The following ANO3 variants were observed in gnomAD, a reference collection of about 807,000 sequenced individuals.
ANO3 encodes the protein anoctamin-3.
In ANO3, 99 loss-of-function variants were observed where a neutral mutation model predicts 144.8. The ratio of observed to expected loss-of-function variants is 0.68; its 90% CI spans 0.58 to 0.81. The LOEUF is 0.81. Among genes scored for constraint, ANO3 ranks in the 30% least tolerant of loss-of-function variants. The pLI is 0.00. For synonymous variants in ANO3, 414 were observed against 392.6 expected (o/e 1.05, Z -0.64); for missense variants, 905 against 1,202.2 (o/e 0.75, Z 3.66).
chr11:26,526,356 A>G (rs1849163373), intron 7 of ANO3, among the ~76,000 whole-genome samples: 1 of 152,106 alleles, frequency 6.6e-6, no homozygotes, highest in Non-Finnish European at 1.5e-5. Context: ...ATCAGCTCCC[A>G]TTTAATGAAT....
chr11:26,548,046 A>G (rs1486928973), intron 12 of ANO3, among the ~76,000 whole-genome samples: 1 of 151,982 alleles, frequency 6.6e-6, no homozygotes, highest in Admixed American at 6.6e-5. Flanking sequence ...AAATAAAACA[A>G]TTATACCACA....
intron 2 of ANO3, among the ~76,000 whole-genome samples, 199 bp from the exon 3 acceptor site, chr11:26,443,566 C>T (rs538196367): frequency 1.5e-4 from 23 of 152,306 alleles, no homozygotes; most frequent in Admixed American, 8.5e-4. Flanking sequence ...CATGCCATTG[C>T]ACTCCAGCCT....
At chr11:26,657,515 G>A (rs941426037) in intron 26 of ANO3, among the ~76,000 whole-genome samples, 1 of 152,052 alleles carries the variant, frequency 6.6e-6, no homozygotes, top group Non-Finnish European at 1.5e-5. Flanking sequence ...AGAGTGCATG[G>A]ATTCAAAGCA....
At chr11:26,435,789 A>G (rs141149558) in intron 1 of ANO3, among the ~76,000 whole-genome samples, 256 of 152,246 alleles carry the variant, frequency 1.7e-3, no homozygotes, top group Non-Finnish European at 3.1e-3. Context: ...TAACTTCTGT[A>G]TCATTTTATT....
intron 1 of ANO3, among the ~76,000 whole-genome samples, chr11:26,200,126 A>C (rs922766673): frequency 6.6e-6 from 1 of 152,192 alleles, no homozygotes; most frequent in Admixed American, 6.6e-5. Flanking sequence ...CTGAAAATGA[A>C]GAAAACCCAA....
chr11:26,660,301 A>G lies in ANO3; in HGVS notation c.2803A>G (p.Ile935Val). ...FGIKSFIAYL[I>V]PDVPKGLHDR... ...GATTAAGTCATTCATCGCATACCTG[A>G]TTCCAGACGTACCAAAGGGTCTACA... Residue 935 changes from isoleucine (I) to valine (V), a missense_variant, in exon 27 of 27, where the codon ATT becomes GTT. Physicochemically the swap from Ile to Val is conservative, Grantham distance 29. This residue lies in a region of ANO3 where 597 missense variants were observed against 865.1 expected (regional missense o/e 0.69). Transcript: ENST00000256737. 1 of 1,613,362 alleles carries G rather than the reference A, an allele frequency of 6.2e-7. No individual in the cohort carries two copies. The highest frequency in any genetic ancestry group is 8.5e-7 in the Non-Finnish European group (1 of 1,179,602).
chr11:26,322,899 A>G (rs1445962110), intron 1 of ANO3, among the ~76,000 whole-genome samples: 1 of 152,000 alleles, frequency 6.6e-6, no homozygotes, highest in African/African-American at 2.4e-5. Context: ...ATTGTTCTGC[A>G]TGGGACATTT....
chr11:26,543,780 A>T (rs180965162), intron 11 of ANO3, among the ~76,000 whole-genome samples: 1 of 152,120 alleles, frequency 6.6e-6, no homozygotes, highest in Non-Finnish European at 1.5e-5. Context: ...ACTACAAAGG[A>T]CATGAACTCA....
chr11:26,404,684 C>T (rs1295217019), intron 1 of ANO3, among the ~76,000 whole-genome samples: 4 of 151,318 alleles, frequency 2.6e-5, no homozygotes, highest in Non-Finnish European at 4.4e-5. Flanking sequence ...AGTAAGGAGT[C>T]GAAGGGAGGG....
At position 26,633,906 on chromosome 11, in the gene ANO3, A is replaced by G. The variant is rs7942572; in HGVS notation, c.1874-298A>G. On this transcript the variant is annotated intron_variant, in intron 18 of 26. Transcript: ENST00000256737. ...CCGTGGCGAACATGGTGAAACCCCCACTTCTACTAAAAATACAAAAAATTA... is the reference window on the plus strand; with the variant it reads ...CCGTGGCGAACATGGTGAAACCCCCGCTTCTACTAAAAATACAAAAAATTA... 0.35 allele frequency among the ~76,000 whole-genome samples: 52,367 copies of G among 151,190 alleles called. 9,596 individuals carry two copies. Among genetic ancestry groups the G allele is most frequent in the South Asian group, 0.48 (2,271 of 4,780 alleles).
chr11:26,547,686 G>T, intron 12 of ANO3, 136 bp downstream of exon 12: 6 of 887,102 alleles, frequency 6.8e-6, no homozygotes, highest in African/African-American at 1.9e-5. Context: ...TCTGTTTTTT[G>T]GCTTTTGTTT....
At chr11:26,329,906 G>A (rs1345196424), upstream of ANO3, among the ~76,000 whole-genome samples, 2 of 151,370 alleles carry the variant, frequency 1.3e-5, no homozygotes, top group Non-Finnish European at 2.9e-5. Flanking sequence ...TCCGCCTCCC[G>A]GGTTCAAGCC....
chr11:26,478,607 T>G (rs1245953377), intron 4 of ANO3, among the ~76,000 whole-genome samples: 1 of 152,164 alleles, frequency 6.6e-6, no homozygotes, highest in East Asian at 1.9e-4. Flanking sequence ...CCCTCTCAGC[T>G]ACAGGAAGAA....
rs371899559 is a variant in ANO3 at position 26,310,332 on chromosome 11, T to C, written c.-3+613T>C. 3.4e-4 allele frequency among the ~76,000 whole-genome samples: 52 copies of C among 152,352 alleles called. No homozygotes were observed. The East Asian group carries it at 5.8e-3, about 17-fold the overall frequency. ...TCTATTGGTTAACCAATTGATTGGT[T>C]ATTGGTTAACTGAGTTAATCAATTA... On this transcript the variant is annotated intron_variant, in intron 1 of 26. Transcript: ENST00000525139.
Position 26,473,538 on chromosome 11 carries a change from G to GA in ANO3, c.432+10399dup, listed in dbSNP as rs200130822. ...AATGAGGCAATTTCCTTTAAAACCA[G>GA]AAAAAAAAATTACAGGAATTCCTGG... On this transcript the variant is annotated intron_variant, in intron 4 of 26. Coordinates refer to ENST00000256737, the MANE Select transcript of ANO3 (RefSeq NM_031418.4). Among the ~76,000 whole-genome samples the GA allele has an allele frequency of 5.5e-3, 826 of 150,408 alleles. 14 individuals carry two copies. Among genetic ancestry groups the GA allele is most frequent in the African/African-American group, 0.019 (789 of 41,106 alleles).
chr11:26,431,397 A>G lies in ANO3; in HGVS notation c.47-10521A>G, dbSNP rs1024739973. 3.9e-5 allele frequency among the ~76,000 whole-genome samples: 6 copies of G among 152,230 alleles called. No homozygotes were observed. In the East Asian group the frequency reaches 5.8e-4, roughly 15 times the overall value. On this transcript the variant is annotated intron_variant, in intron 1 of 26. Coordinates refer to ENST00000256737, the MANE Select transcript of ANO3 (RefSeq NM_031418.4). The stretch of plus-strand genomic sequence containing the variant: ...TAACTCAGGTAGTGAGCAACACCCA[A>G]TAGGTAGCTTTTCTTTAACTTTTAT...
chr11:26,268,060 G>A (rs1360318489), intron 1 of ANO3, among the ~76,000 whole-genome samples: 1 of 151,920 alleles, frequency 6.6e-6, no homozygotes, highest in Non-Finnish European at 1.5e-5. Flanking sequence ...TACATATACT[G>A]GTCAGGAAAG....
intron 17 of ANO3, among the ~76,000 whole-genome samples, chr11:26,600,902 G>A (rs995836637): frequency 1.3e-5 from 2 of 151,678 alleles, no homozygotes; most frequent in Admixed American, 6.6e-5. Flanking sequence ...TTTCAACATC[G>A]CATGCACTTA....
At chr11:26,239,657 C>CT (rs1852616122) in intron 1 of ANO3, among the ~76,000 whole-genome samples, 1 of 152,196 alleles carries the variant, frequency 6.6e-6, no homozygotes, top group African/African-American at 2.4e-5. Context: ...TCCTTATTAA[C>CT]ACCTTGTCCT....
Sources: allele counts gnomAD v4.1 joint callset (sites outside exome capture counted in the v4.1 genomes callset), GRCh38; gene constraint gnomAD v4.1.1; regional missense constraint gnomAD v4.1.1; transcripts MANE v1.5; gene names NCBI Gene and HGNC (gene_info 2026-07-23, HGNC 2026-07-21).